The following FGF12 variants were observed in gnomAD, a reference collection of about 807,000 sequenced individuals.
FGF12 encodes the protein fibroblast growth factor 12B.
A neutral mutation model predicts 23.6 loss-of-function variants in FGF12; 14 were observed. That is an observed-to-expected ratio of 0.59 (90% CI 0.39 to 0.93). The LOEUF (loss-of-function observed/expected upper bound fraction) is 0.93. Ranked by LOEUF, FGF12 falls within the 40% of genes least tolerant of loss-of-function variation. The pLI, the probability that FGF12 is intolerant of heterozygous loss-of-function variation, is 0.00. For synonymous variants in FGF12, 62 were observed against 77.3 expected (o/e 0.80, Z 1.04); for missense variants, 175 against 217.8 (o/e 0.80, Z 1.24).
intron 5 of FGF12, among the ~76,000 whole-genome samples, chr3:192,159,409 G>A (rs1382356750): frequency 6.6e-6 from 1 of 152,132 alleles, no homozygotes; most frequent in Non-Finnish European, 1.5e-5. Flanking sequence ...GCAAATCACT[G>A]GCTACTCTAT....
intron 2 of FGF12, among the ~76,000 whole-genome samples, chr3:192,635,316 T>G (rs983648342): frequency 2.0e-5 from 3 of 152,208 alleles, no homozygotes; most frequent in Non-Finnish European, 4.4e-5. Context: ...AAGTACCTCT[T>G]TACTCATAAC....
intron 5 of FGF12, among the ~76,000 whole-genome samples, chr3:192,146,270 A>ATTTT (rs879200159): frequency 4.6e-4 from 42 of 92,212 alleles, no homozygotes; most frequent in Non-Finnish European, 4.7e-4. Context: ...ATTAAAGTGT[A>ATTTT]TATTTTTTTT....
chr3:192,258,475 TAAATA>T (rs1219579488), intron 4 of FGF12, among the ~76,000 whole-genome samples: 1 of 151,986 alleles, frequency 6.6e-6, no homozygotes, highest in African/African-American at 2.4e-5. Context: ...AATAAATACA[TAAATA>T]AAATAAACAA....
intron 2 of FGF12, among the ~76,000 whole-genome samples, chr3:192,549,231 C>T (rs1037326061): frequency 2.0e-5 from 3 of 152,060 alleles, no homozygotes; most frequent in Non-Finnish European, 2.9e-5. Context: ...CCAATATGAC[C>T]TGACAACAAA....
chr3:192,513,785 C>CA (rs1361448109), intron 2 of FGF12, among the ~76,000 whole-genome samples: 16 of 152,162 alleles, frequency 1.1e-4, no homozygotes, highest in Non-Finnish European at 2.9e-5. Flanking sequence ...TCCCACACCC[C>CA]ACTCCCAGTT....
chr3:192,662,368 G>T (rs994856453), intron 2 of FGF12, among the ~76,000 whole-genome samples: 1 of 152,068 alleles, frequency 6.6e-6, no homozygotes, highest in Admixed American at 6.5e-5. Flanking sequence ...TCATAAATCT[G>T]AATCATTGCA....
chr3:192,196,374 T>C lies in FGF12; in HGVS notation c.229-25718A>G, dbSNP rs76192250. ...GTAAATAGCACATTTTTTAATTCCT[T>C]GGGCAAAGTTTTTAAATGGGAGTGT... On this transcript the variant is annotated intron_variant, in intron 4 of 5. Transcript: ENST00000445105. Among the ~76,000 whole-genome samples the C allele has an allele frequency of 6.2e-3, 940 of 152,314 alleles. 12 individuals are homozygous for C. The highest frequency in any genetic ancestry group is 0.032 in the East Asian group (165 of 5,184).
intron 2 of FGF12, among the ~76,000 whole-genome samples, chr3:192,391,069 A>T (rs1466578993): frequency 6.6e-6 from 1 of 152,224 alleles, no homozygotes; most frequent in Non-Finnish European, 1.5e-5. Flanking sequence ...GTCAATAAAA[A>T]TGAGTTTATC....
At chr3:192,182,760 G>T (rs947731078) in intron 4 of FGF12, among the ~76,000 whole-genome samples, 4 of 152,096 alleles carry the variant, frequency 2.6e-5, no homozygotes, top group Non-Finnish European at 2.9e-5. Context: ...CATCCAGGGG[G>T]CCCTGAAATT....
chr3:192,600,646 G>T (rs1714074597), intron 2 of FGF12, among the ~76,000 whole-genome samples: 1 of 151,930 alleles, frequency 6.6e-6, no homozygotes, highest in Admixed American at 6.6e-5. Context: ...GAACTGAAAA[G>T]ACATTTTTCA....
At chr3:192,525,825 A>AG (rs1724929562) in intron 2 of FGF12, among the ~76,000 whole-genome samples, 1 of 152,072 alleles carries the variant, frequency 6.6e-6, no homozygotes, top group African/African-American at 2.4e-5. Context: ...GCCAGGCTGG[A>AG]GTGCAGTGGC....
intron 2 of FGF12, among the ~76,000 whole-genome samples, chr3:192,512,272 C>T (rs13324567): frequency 0.013 from 1,995 of 152,120 alleles, 43 homozygotes; most frequent in African/African-American, 0.039. Flanking sequence ...GATATCATTA[C>T]CTCAATTTGC....
chr3:192,679,676 C>T (rs1030092669), intron 2 of FGF12, among the ~76,000 whole-genome samples: 1 of 152,078 alleles, frequency 6.6e-6, no homozygotes, highest in African/African-American at 2.4e-5. Context: ...TTCATCTTCT[C>T]ATACAGGGAG....
rs370709315 is a variant in FGF12 at position 192,607,204 on chromosome 3, C to T, written c.13+119977G>A. ...TATTTGACTAAAGTTGGACAAAAAC[C>T]CACATGAAGCTGCCACATCCTGCAG... is the stretch of plus-strand genomic sequence containing the variant. On this transcript the variant is annotated intron_variant, in intron 2 of 5. Transcript: ENST00000445105. 7.9e-4 allele frequency among the ~76,000 whole-genome samples: 121 copies of T among 152,238 alleles called. 1 individual carries two copies. Among genetic ancestry groups the T allele is most frequent in the African/African-American group, 2.7e-3 (111 of 41,558 alleles).
intron 4 of FGF12, among the ~76,000 whole-genome samples, chr3:192,235,333 G>A (rs1289892753): frequency 1.3e-5 from 2 of 151,942 alleles, no homozygotes; most frequent in African/African-American, 2.4e-5. Context: ...TTTTGAGACG[G>A]AGTCTCCCTG....
intron 2 of FGF12, among the ~76,000 whole-genome samples, chr3:192,558,776 G>T (rs541528825): frequency 3.9e-4 from 59 of 151,938 alleles, no homozygotes; most frequent in African/African-American, 1.3e-3. Flanking sequence ...ATAGAATAAA[G>T]AGTTCAGAAA....
At chr3:192,593,926 T>A (rs570484572) in intron 2 of FGF12, among the ~76,000 whole-genome samples, 14 of 152,082 alleles carry the variant, frequency 9.2e-5, no homozygotes, top group South Asian at 2.1e-4. Context: ...AATAAGGATT[T>A]AAATGGTTTT....
At chr3:192,170,770 G>A in intron 4 of FGF12, 114 bp from the exon 5 acceptor site, 1 of 850,378 alleles carries the variant, frequency 1.2e-6, no homozygotes. Context: ...ACAAATGAAA[G>A]GCAATGACAC....
At chr3:192,668,549 C>T (rs556528156) in intron 2 of FGF12, among the ~76,000 whole-genome samples, 1 of 152,242 alleles carries the variant, frequency 6.6e-6, no homozygotes, top group East Asian at 1.9e-4. Flanking sequence ...AGCAGAAATT[C>T]GGCTTCTGCT....
Sources: gnomAD v4.1 joint callset for allele counts (sites outside exome capture counted in the v4.1 genomes callset) on GRCh38, gnomAD v4.1.1 for gene constraint, MANE v1.5 for transcripts, NCBI Gene and HGNC (gene_info 2026-07-23, HGNC 2026-07-21) for gene names.